Variants in CFAP61 observed in about 807,000 individuals in gnomAD.
CFAP61 encodes the protein cilia- and flagella-associated protein 61.
A neutral mutation model predicts 135.6 loss-of-function variants in CFAP61; 107 were observed. The observed-to-expected ratio is 0.79, with a 90% CI of 0.67 to 0.93. The LOEUF (loss-of-function observed/expected upper bound fraction) is 0.93, where lower values mean the gene tolerates loss of function less well. Among genes scored for constraint, CFAP61 ranks in the 40% least tolerant of loss-of-function variants. The probability of loss-of-function intolerance (pLI) is 0.00; values close to 1 mark genes in which losing one functional copy is unlikely to be tolerated. For missense variants in CFAP61, 1,507 were observed against 1,556.2 expected, an observed-to-expected ratio of 0.97 and a Z score of 0.53; for synonymous variants, 575 against 578.5, an observed-to-expected ratio of 0.99 and a Z score of 0.09.
intron 25 of CFAP61, among the ~76,000 whole-genome samples, chr20:20,330,318 A>G (rs1478141513): frequency 6.6e-6 from 1 of 152,100 alleles, no homozygotes; most frequent in African/African-American, 2.4e-5. Context: ...GTACATCTCA[A>G]TTCAGACTAG....
chr20:20,178,102 T>C (rs1242211148), intron 13 of CFAP61, among the ~76,000 whole-genome samples: 2 of 152,234 alleles, frequency 1.3e-5, no homozygotes, highest in African/African-American at 2.4e-5. Context: ...GCCCTCTGGC[T>C]GTGCTGGTGA....
chr20:20,269,229 G>GTA (rs201918647), intron 21 of CFAP61, among the ~76,000 whole-genome samples: 3 of 128,926 alleles, frequency 2.3e-5, no homozygotes, highest in South Asian at 2.4e-4. Context: ...ATACATATAT[G>GTA]TATATATATA....
chr20:20,098,456 A>G (rs1321709355), intron 7 of CFAP61, among the ~76,000 whole-genome samples, 199 bp from the exon 8 acceptor site: 19 of 151,652 alleles, frequency 1.3e-4, no homozygotes. Flanking sequence ...CTAAAAATGC[A>G]AAAATTAGCT....
In CFAP61 at chr20:20,090,824, T is replaced by C. The variant is rs373923640; in HGVS notation, c.567-20T>C. The C allele has an allele frequency of 1.7e-4, 272 of 1,612,966 alleles. No individual in the cohort carries two copies. Among genetic ancestry groups the C allele is most frequent in the Non-Finnish European group, 2.1e-4 (247 of 1,179,360 alleles). ...AAAATGAGTGAACGAACACTGAACTTCAGCCTTTCTATTAAACAGGGTGGA... is the reference window on the plus strand; with the variant it reads ...AAAATGAGTGAACGAACACTGAACTCCAGCCTTTCTATTAAACAGGGTGGA... On this transcript the variant is annotated intron_variant, in intron 6 of 26. Transcript: ENST00000245957.
chr20:20,268,157 A>T (rs2052948382), intron 21 of CFAP61, among the ~76,000 whole-genome samples: 3 of 152,160 alleles, frequency 2.0e-5, no homozygotes, highest in Admixed American at 2.0e-4. Context: ...CTCAGTGCTA[A>T]TTTCCCCTTT....
chr20:20,298,478 C>A, intron 25 of CFAP61, 92 bp downstream of exon 25: 2 of 1,061,858 alleles, frequency 1.9e-6, no homozygotes, highest in East Asian at 2.6e-5. Context: ...CACCCGAGAG[C>A]AAAACGGGAA....
chr20:20,224,863 T>C (rs898562432), intron 17 of CFAP61, among the ~76,000 whole-genome samples: 2 of 152,224 alleles, frequency 1.3e-5, no homozygotes, highest in Non-Finnish European at 2.9e-5. Flanking sequence ...ATCTTTGAAA[T>C]AATTTTCCAT....
At chr20:20,119,200 G>A (rs1208380823) in intron 8 of CFAP61, among the ~76,000 whole-genome samples, 2 of 152,026 alleles carry the variant, frequency 1.3e-5, no homozygotes, top group Non-Finnish European at 2.9e-5. Context: ...ATTAGTATTC[G>A]TTCTTTAAAT....
intron 25 of CFAP61, among the ~76,000 whole-genome samples, chr20:20,303,233 G>T (rs146401101): frequency 3.0e-4 from 45 of 152,288 alleles, no homozygotes; most frequent in African/African-American, 9.6e-4. Flanking sequence ...GGCCCTACCT[G>T]GTTTGTTTCT....
intron 24 of CFAP61, among the ~76,000 whole-genome samples, chr20:20,295,709 A>C (rs576249398): frequency 1.3e-5 from 2 of 152,216 alleles, no homozygotes; most frequent in East Asian, 3.9e-4. Flanking sequence ...CATCAGGTAA[A>C]GTTGACACCA....
intron 26 of CFAP61, among the ~76,000 whole-genome samples, chr20:20,357,244 G>T (rs1333138850): frequency 1.9e-5 from 1 of 52,264 alleles, no homozygotes; most frequent in Non-Finnish European, 4.3e-5. Context: ...TGCGAGTGGA[G>T]GTAGTCACAC....
At chr20:20,153,379 G>T (rs190214213) in intron 9 of CFAP61, among the ~76,000 whole-genome samples, 36 of 151,866 alleles carry the variant, frequency 2.4e-4, no homozygotes, top group Admixed American at 1.8e-3. Context: ...ATCAGAACAG[G>T]ACTAAATGAA....
At chr20:20,355,152 G>T (rs1240072681) in intron 26 of CFAP61, among the ~76,000 whole-genome samples, 3 of 148,722 alleles carry the variant, frequency 2.0e-5, no homozygotes, top group Admixed American at 6.6e-5. Context: ...ATTGTGAGAG[G>T]GAAGGGGGTC....
chr20:20,263,255 T>C, intron 21 of CFAP61, 125 bp downstream of exon 21: 1 of 633,548 alleles, frequency 1.6e-6, no homozygotes, highest in Non-Finnish European at 2.4e-6. Flanking sequence ...CATTCATCTG[T>C]CATGCTTTGT....
intron 17 of CFAP61, among the ~76,000 whole-genome samples, chr20:20,226,763 A>G (rs993452427): frequency 6.6e-6 from 1 of 152,232 alleles, no homozygotes; most frequent in African/African-American, 2.4e-5. Flanking sequence ...GATGAGGTCA[A>G]CTTAGGTCAC....
At chr20:20,299,459 G>A (rs941593552) in intron 25 of CFAP61, among the ~76,000 whole-genome samples, 4 of 152,166 alleles carry the variant, frequency 2.6e-5, no homozygotes, top group African/African-American at 7.2e-5. Context: ...GAAAGAAGCC[G>A]TAGATGATGT....
intron 1 of CFAP61, 171 bp downstream of exon 1, chr20:20,052,762 G>C (rs752995722): frequency 3.2e-6 from 5 of 1,546,338 alleles, no homozygotes; most frequent in Non-Finnish European, 4.4e-6. Flanking sequence ...CTGGATGCTC[G>C]AGGGCGGGGG....
At chr20:20,210,730 G>T (rs2047573536) in intron 17 of CFAP61, among the ~76,000 whole-genome samples, 1 of 152,242 alleles carries the variant, frequency 6.6e-6, no homozygotes, top group South Asian at 2.1e-4. Flanking sequence ...TTGGAGGTCA[G>T]TAGATGCATA....
At chr20:20,355,866 G>C (rs73607408) in intron 26 of CFAP61, among the ~76,000 whole-genome samples, 8,346 of 75,732 alleles carry the variant, frequency 0.11, no homozygotes, top group Non-Finnish European at 0.16. Flanking sequence ...AGGGGAGGTA[G>C]TCACACTGTG....
Sources: allele counts gnomAD v4.1 joint callset (sites outside exome capture counted in the v4.1 genomes callset), GRCh38; gene constraint gnomAD v4.1.1; transcripts MANE v1.5; gene names NCBI Gene and HGNC (gene_info 2026-07-23, HGNC 2026-07-21).